Variants in ADA observed in about 807,000 individuals in gnomAD.
The protein encoded by ADA is adenosine aminohydrolase.
Under a neutral mutation model 49.0 loss-of-function variants are expected in ADA, and 45 were observed. That is an observed-to-expected ratio of 0.92 (90% confidence interval 0.72 to 1.18). ADA has a LOEUF of 1.18. Ranked by LOEUF, ADA falls within the 50% of genes most tolerant of loss-of-function variation. The probability of loss-of-function intolerance (pLI) is 0.00; values close to 1 mark genes in which losing one functional copy is unlikely to be tolerated. For missense variants in ADA, 445 were observed against 472.5 expected, an observed-to-expected ratio of 0.94 and a Z score of 0.54; for synonymous variants, 173 against 184.2, an observed-to-expected ratio of 0.94 and a Z score of 0.49.
In ADA at chr20:44,643,572, T is replaced by C. The variant is rs577658660; in HGVS notation, c.34-7284A>G. On this transcript the variant is annotated intron_variant, in intron 1 of 11. Transcript: ENST00000372874. ...AGAAGTTCAGTGGCCTGTCCAGAGT[T>C]ACACAAAATTGATGGTGGTAGAGCT... Among the ~76,000 whole-genome samples, 41 of 152,274 alleles carry C rather than the reference T, an allele frequency of 2.7e-4. No homozygotes were observed. The South Asian group carries it at 6.6e-3, about 25-fold the overall frequency.
chr20:44,648,775 G>T (rs2065616114), intron 1 of ADA, among the ~76,000 whole-genome samples: 1 of 152,038 alleles, frequency 6.6e-6, no homozygotes, highest in African/African-American at 2.4e-5. Flanking sequence ...TGTGTTCCTG[G>T]ATCGTTGACA....
chr20:44,650,488 C>A (rs1046674046), intron 1 of ADA, among the ~76,000 whole-genome samples: 1 of 152,108 alleles, frequency 6.6e-6, no homozygotes, highest in Non-Finnish European at 1.5e-5. Flanking sequence ...AGTGCAGTGG[C>A]ACCATCACAC....
intron 1 of ADA, among the ~76,000 whole-genome samples, chr20:44,642,933 C>A (rs1476020419): frequency 2.0e-5 from 3 of 152,128 alleles, no homozygotes; most frequent in Non-Finnish European, 4.4e-5. Flanking sequence ...GCCAGCTGCC[C>A]ACCATGACCA....
rs749544011 is a variant in ADA, at chr20:44,622,993, GC to G, written c.678+13del. ...GCAGTGAGGAGGGACCCCATGGCCA[GC>G]CCAGGCCCTCACCTCTTTTACTACT... On this transcript the variant is annotated intron_variant, in intron 7 of 11. Transcript: ENST00000372874. 6 of 1,614,108 alleles carry G rather than the reference GC, an allele frequency of 3.7e-6. No homozygotes were observed. The highest frequency in any genetic ancestry group is 2.2e-5 in the East Asian group (1 of 44,888).
chr20:44,633,426 C>T (rs1245236342), intron 2 of ADA, among the ~76,000 whole-genome samples: 1 of 152,166 alleles, frequency 6.6e-6, no homozygotes, highest in Non-Finnish European at 1.5e-5. Context: ...CCAGTGTGGA[C>T]TAAGCAAGGA....
Position 44,619,818 on chromosome 20 carries a change from T to C in ADA, c.*16A>G. The C allele has an allele frequency of 6.2e-6, 10 of 1,614,192 alleles. No homozygotes were observed. Among genetic ancestry groups the C allele is most frequent in the Non-Finnish European group, 8.5e-6 (10 of 1,180,024 alleles). On this transcript the variant is annotated 3_prime_UTR_variant, in exon 12 of 12. Transcript: ENST00000372874. ...GGGGTGACTCCACAGGGTGAAGGCT[T>C]GGAGGAGTGGCGTCTTCAGAGGTTC...
rs540458370 is a variant in ADA, at chr20:44,651,037, C to T, written c.33+538G>A. Reference sequence around the variant, plus strand: ...CTACCTAGCTCCTGTTCTTCCCGCGCGGGGGAAGGGGGGTGCTCTGCTCCC... The same window carrying T: ...CTACCTAGCTCCTGTTCTTCCCGCGTGGGGGAAGGGGGGTGCTCTGCTCCC... On this transcript the variant is annotated intron_variant, in intron 1 of 11. Transcript: ENST00000372874. 6.1e-4 allele frequency among the ~76,000 whole-genome samples: 93 copies of T among 152,300 alleles called. 1 individual carries two copies. Among genetic ancestry groups the T allele is most frequent in the African/African-American group, 2.2e-3 (90 of 41,570 alleles).
At chr20:44,625,907 G>T (rs1600924185) in intron 4 of ADA, among the ~76,000 whole-genome samples, 1 of 152,146 alleles carries the variant, frequency 6.6e-6, no homozygotes, top group Non-Finnish European at 1.5e-5. Context: ...GGGAGGTGTG[G>T]GGTGTCAACA....
At chr20:44,637,820 C>T (rs989822026) in intron 1 of ADA, among the ~76,000 whole-genome samples, 13 of 152,238 alleles carry the variant, frequency 8.5e-5, no homozygotes, top group African/African-American at 3.1e-4. Context: ...TCTTCACACC[C>T]AGTCTCAGGG....
Position 44,624,263 on chromosome 20 carries a change from A to G in ADA, c.545T>C (p.Leu182Pro). Residue 182 changes from leucine to proline, a missense_variant, in exon 6 of 12, where the codon CTG becomes CCG. Leu to Pro is a moderately conservative substitution (Grantham distance 98, BLOSUM62 -3). Coordinates refer to ENST00000372874, the MANE Select transcript of ADA (RefSeq NM_000022.4). ...YQQQTVVAIDLAGDETIPGSS... is the reference protein window; with the variant it reads ...YQQQTVVAIDPAGDETIPGSS... Reference sequence around the variant, plus strand: ...TCCTGGGATGGTCTCATCTCCAGCCAGGTCAATGGCTACCACGGTCTGCTG... The same window carrying G: ...TCCTGGGATGGTCTCATCTCCAGCCGGGTCAATGGCTACCACGGTCTGCTG... 1.2e-6 allele frequency: 2 copies of G among 1,613,988 alleles called. No individual in the cohort carries two copies. The highest frequency in any genetic ancestry group is 1.7e-6 in the Non-Finnish European group (2 of 1,179,954).
chr20:44,622,480 T>C, intron 9 of ADA, 108 bp downstream of exon 9: 1 of 1,347,576 alleles, frequency 7.4e-7, no homozygotes, highest in Non-Finnish European at 1.0e-6. Flanking sequence ...GTCGAAGAGA[T>C]TTCATATCTA....
intron 3 of ADA, among the ~76,000 whole-genome samples, chr20:44,627,240 G>C (rs1214669934): frequency 5.3e-5 from 8 of 150,296 alleles, no homozygotes; most frequent in African/African-American, 2.0e-4. Context: ...GGAGTGCAGT[G>C]GCGCCATCTC....
chr20:44,644,662 T>C (rs1437220384), intron 1 of ADA, among the ~76,000 whole-genome samples: 1 of 152,232 alleles, frequency 6.6e-6, no homozygotes, highest in Non-Finnish European at 1.5e-5. Context: ...AACTGACTTT[T>C]AGTGTGAGGC....
chr20:44,636,073 T>G (rs751294105), intron 2 of ADA, 154 bp downstream of exon 2: 76 of 746,546 alleles, frequency 1.0e-4, no homozygotes, highest in Non-Finnish European at 1.6e-4. Context: ...GAGGCCTCCA[T>G]GTCCTCACAG....
intron 2 of ADA, chr20:44,635,925 C>T (rs891927645): frequency 8.3e-5 from 35 of 422,846 alleles, no homozygotes; most frequent in Admixed American, 6.7e-4. Flanking sequence ...ACGGATTCAG[C>T]CCTGGGAACT....
rs766166098 is a variant in ADA, at chr20:44,619,844, TGCCCTGCTC to T, written c.1079-6_1081del. ...GGAGGAGTGGCGTCTTCAGAGGTTC[TGCCCTGCTC>T]GTTGGTTCAGAGAAGCAAAAAGATC... On this transcript the variant is annotated splice_acceptor_variant and splice_polypyrimidine_tract_variant and coding_sequence_variant and intron_variant, in exon 12 of 12. Transcript: ENST00000372874. LOFTEE classifies it high-confidence loss of function. 2 of 1,614,190 alleles carry T rather than the reference TGCCCTGCTC, an allele frequency of 1.2e-6. No homozygotes were observed. The highest frequency in any genetic ancestry group is 4.5e-5 in the East Asian group (2 of 44,872).
chr20:44,635,332 C>A (rs898555975), intron 2 of ADA, among the ~76,000 whole-genome samples: 1 of 152,192 alleles, frequency 6.6e-6, no homozygotes, highest in African/African-American at 2.4e-5. Context: ...TGACTCCTAG[C>A]AGGTTATGAC....
chr20:44,625,291 A>AT (rs1267585063), intron 5 of ADA, among the ~76,000 whole-genome samples: 5 of 151,490 alleles, frequency 3.3e-5, no homozygotes, highest in South Asian at 4.2e-4. Flanking sequence ...TCTAGCCTAG[A>AT]TTTTTTTTTC....
chr20:44,627,502 G>A (rs1265275791), intron 3 of ADA, among the ~76,000 whole-genome samples: 4 of 152,014 alleles, frequency 2.6e-5, no homozygotes. Context: ...ATCTTAAAAC[G>A]GCCCCTCCAC....
Sources: allele counts gnomAD v4.1 joint callset (sites outside exome capture counted in the v4.1 genomes callset), GRCh38; gene constraint gnomAD v4.1.1; transcripts MANE v1.5; gene names NCBI Gene and HGNC (gene_info 2026-07-23, HGNC 2026-07-21).